Variants in RSRC1 observed in about 807,000 individuals in gnomAD.
RSRC1 encodes the protein arginine and serine rich coiled-coil 1, also known as serine/Arginine-related protein 53.
In RSRC1, 39 loss-of-function variants were observed where a neutral mutation model predicts 49.1. That is an observed-to-expected ratio of 0.79 (90% CI 0.61 to 1.04). RSRC1 has a LOEUF of 1.04. Ranked by LOEUF, RSRC1 falls within the 50% of genes least tolerant of loss-of-function variation. The probability of loss-of-function intolerance (pLI) is 0.00; values close to 1 mark genes in which losing one functional copy is unlikely to be tolerated. For synonymous variants in RSRC1, 143 were observed against 130.8 expected (o/e 1.09, Z -0.63); for missense variants, 388 against 402.4 (o/e 0.96, Z 0.31).
At chr3:158,399,381 C>T (rs1394718575) in intron 6 of RSRC1, among the ~76,000 whole-genome samples, 3 of 37,430 alleles carry the variant, frequency 8.0e-5, no homozygotes, top group East Asian at 4.1e-4. Context: ...TGGTCTCGAT[C>T]TCCTGACCTC....
intron 4 of RSRC1, among the ~76,000 whole-genome samples, chr3:158,279,559 T>C (rs1469382286): frequency 6.6e-6 from 1 of 152,238 alleles, no homozygotes. Flanking sequence ...AAATTCTCCA[T>C]TGGCCTTTAA....
At chr3:158,445,932 A>T (rs1736684619) in intron 6 of RSRC1, among the ~76,000 whole-genome samples, 1 of 152,068 alleles carries the variant, frequency 6.6e-6, no homozygotes, top group Admixed American at 6.6e-5. Context: ...ACAGTTTGAG[A>T]TTTTTTTAAA....
At chr3:158,471,441 A>G (rs1383238170) in intron 7 of RSRC1, among the ~76,000 whole-genome samples, 1 of 152,178 alleles carries the variant, frequency 6.6e-6, no homozygotes, top group Non-Finnish European at 1.5e-5. Context: ...TATTGTTATT[A>G]TAGCAAAAGC....
chr3:158,409,871 A>C (rs569330010), intron 6 of RSRC1, among the ~76,000 whole-genome samples: 1 of 152,302 alleles, frequency 6.6e-6, no homozygotes, highest in Non-Finnish European at 1.5e-5. Context: ...AATCTCCTGC[A>C]CTGAACCCTT....
At chr3:158,186,416 T>C (rs1253959719) in intron 3 of RSRC1, among the ~76,000 whole-genome samples, 7 of 152,088 alleles carry the variant, frequency 4.6e-5, no homozygotes, top group South Asian at 2.1e-4. Flanking sequence ...TTAACACTTA[T>C]TGTACAGTAA....
intron 5 of RSRC1, among the ~76,000 whole-genome samples, chr3:158,308,335 G>T (rs1262229482): frequency 2.6e-5 from 4 of 151,920 alleles, no homozygotes; most frequent in Non-Finnish European, 4.4e-5. Flanking sequence ...GATGAAAGCA[G>T]CATGAAACTA....
At chr3:158,373,889 G>A (rs1732214870) in intron 6 of RSRC1, among the ~76,000 whole-genome samples, 1 of 152,034 alleles carries the variant, frequency 6.6e-6, no homozygotes, top group South Asian at 2.1e-4. Flanking sequence ...GGAGTTAAAA[G>A]TAAGTGTGGC....
chr3:158,162,970 C>T (rs1367195430), intron 3 of RSRC1, among the ~76,000 whole-genome samples: 1 of 152,050 alleles, frequency 6.6e-6, no homozygotes, highest in Non-Finnish European at 1.5e-5. Flanking sequence ...ATTTTGTTAT[C>T]ACTTGCTCTC....
intron 4 of RSRC1, among the ~76,000 whole-genome samples, chr3:158,227,123 T>C (rs1474341510): frequency 6.6e-6 from 1 of 151,918 alleles, no homozygotes; most frequent in Non-Finnish European, 1.5e-5. Context: ...AGGTTTCCTT[T>C]ATCCCTCCTC....
At position 158,195,901 on chromosome 3, in the gene RSRC1, C is replaced by T. The variant is rs1480172728; in HGVS notation, c.321-7171C>T. On this transcript the variant is annotated intron_variant, in intron 3 of 9. Transcript: ENST00000611884. Reference sequence around the variant, plus strand: ...TACCATGCTGTTCTGGTTACTGTAGCCTTGTAGTATAGTTTGAAGTCAGGT... The same window carrying T: ...TACCATGCTGTTCTGGTTACTGTAGTCTTGTAGTATAGTTTGAAGTCAGGT... 3.9e-5 allele frequency among the ~76,000 whole-genome samples: 6 copies of T among 151,954 alleles called. No homozygotes were observed. The South Asian group carries it at 6.3e-4, about 16-fold the overall frequency.
chr3:158,341,153 G>C (rs1237212191), intron 5 of RSRC1, among the ~76,000 whole-genome samples: 1 of 151,976 alleles, frequency 6.6e-6, no homozygotes, highest in Non-Finnish European at 1.5e-5. Flanking sequence ...GCCTGACTAC[G>C]CAATAGAAAA....
At chr3:158,419,398 T>C (rs182771099) in intron 6 of RSRC1, among the ~76,000 whole-genome samples, 33 of 152,040 alleles carry the variant, frequency 2.2e-4, no homozygotes, top group African/African-American at 7.0e-4. Flanking sequence ...TGGGGATAAC[T>C]GAAGCAAATA....
At chr3:158,161,839 A>AAAAG (rs1311488498) in intron 3 of RSRC1, among the ~76,000 whole-genome samples, 1 of 152,182 alleles carries the variant, frequency 6.6e-6, no homozygotes, top group Non-Finnish European at 1.5e-5. Context: ...TTAATTCATG[A>AAAAG]ATCAAAGATC....
At chr3:158,170,742 G>A (rs1458232127) in intron 3 of RSRC1, among the ~76,000 whole-genome samples, 1 of 152,134 alleles carries the variant, frequency 6.6e-6, no homozygotes, top group Non-Finnish European at 1.5e-5. Context: ...ATGGGGAAAG[G>A]AGATCCTGTA....
intron 7 of RSRC1, among the ~76,000 whole-genome samples, chr3:158,464,359 A>G (rs1737771996): frequency 6.6e-6 from 1 of 152,066 alleles, no homozygotes; most frequent in Non-Finnish European, 1.5e-5. Flanking sequence ...TGAATTTCCT[A>G]TTTGTGGTAT....
intron 7 of RSRC1, among the ~76,000 whole-genome samples, chr3:158,489,017 A>G (rs1738951422): frequency 6.6e-6 from 1 of 152,184 alleles, no homozygotes; most frequent in Non-Finnish European, 1.5e-5. Context: ...ACTAACCTGA[A>G]CTCACATTTT....
At chr3:158,153,340 C>T (rs185795032) in intron 3 of RSRC1, among the ~76,000 whole-genome samples, 49 of 152,180 alleles carry the variant, frequency 3.2e-4, no homozygotes, top group Non-Finnish European at 6.2e-4. Flanking sequence ...CAATTCCCAC[C>T]CCCCTATTTA....
chr3:158,364,557 A>G (rs1401081452), intron 6 of RSRC1, among the ~76,000 whole-genome samples: 1 of 152,128 alleles, frequency 6.6e-6, no homozygotes, highest in Non-Finnish European at 1.5e-5. Flanking sequence ...TAAAACAGAG[A>G]TACTAATAGT....
chr3:158,238,769 A>T (rs978434440), intron 4 of RSRC1, among the ~76,000 whole-genome samples: 1 of 152,228 alleles, frequency 6.6e-6, no homozygotes, highest in African/African-American at 2.4e-5. Context: ...AAACCCTAGA[A>T]AAAAACAGAG....
Sources: allele counts gnomAD v4.1 joint callset (sites outside exome capture counted in the v4.1 genomes callset), GRCh38; gene constraint gnomAD v4.1.1; transcripts MANE v1.5; gene names NCBI Gene and HGNC (gene_info 2026-07-23, HGNC 2026-07-21).